Variants in GRID2 observed in about 807,000 individuals in gnomAD.
GRID2 encodes the protein glutamate receptor ionotropic, delta-2.
GRID2 carries 33 observed loss-of-function variants against 114.8 expected under a neutral mutation model. That is an observed-to-expected ratio of 0.29 (90% CI 0.22 to 0.38). GRID2 has a LOEUF of 0.38. Ranked by LOEUF, GRID2 falls within the 10% of genes least tolerant of loss-of-function variation. The probability of loss-of-function intolerance (pLI) is 1.00; values close to 1 mark genes in which losing one functional copy is unlikely to be tolerated. For synonymous variants in GRID2, 505 were observed against 449.9 expected, an observed-to-expected ratio of 1.12 and a Z score of -1.55; for missense variants, 1,184 against 1,257.7, an observed-to-expected ratio of 0.94 and a Z score of 0.89.
chr4:92,575,450 T>C (rs1727840911), intron 1 of GRID2, among the ~76,000 whole-genome samples: 1 of 152,200 alleles, frequency 6.6e-6, no homozygotes, highest in African/African-American at 2.4e-5. Flanking sequence ...ATTTGTGGAC[T>C]TATCTACCCA....
intron 2 of GRID2, among the ~76,000 whole-genome samples, chr4:92,608,098 G>T (rs1386534072): frequency 1.3e-5 from 2 of 151,724 alleles, no homozygotes; most frequent in African/African-American, 2.4e-5. Context: ...AAATCCTTGC[G>T]ACTGATAGAA....
At chr4:93,795,691 A>ATGT (rs1353365833) in intron 1 of GRID2, among the ~76,000 whole-genome samples, 1 of 152,156 alleles carries the variant, frequency 6.6e-6, no homozygotes, top group Non-Finnish European at 1.5e-5. Context: ...ACTTCTGTAA[A>ATGT]TGTTATTAAT....
intron 10 of GRID2, among the ~76,000 whole-genome samples, chr4:93,438,520 G>A (rs1721318860): frequency 6.6e-6 from 1 of 152,014 alleles, no homozygotes; most frequent in Non-Finnish European, 1.5e-5. Context: ...GTTTAAGAAA[G>A]ATAGCTGAGG....
At chr4:93,196,605 T>A (rs1741518970) in intron 4 of GRID2, among the ~76,000 whole-genome samples, 1 of 152,108 alleles carries the variant, frequency 6.6e-6, no homozygotes, top group African/African-American at 2.4e-5. Context: ...AGTAGCTTCA[T>A]CAACGATGAG....
At chr4:92,527,800 C>A (rs942383526) in intron 1 of GRID2, among the ~76,000 whole-genome samples, 9 of 151,972 alleles carry the variant, frequency 5.9e-5, no homozygotes, top group African/African-American at 1.7e-4. Flanking sequence ...ATAAAGCCAA[C>A]CTGCAACCTC....
At chr4:92,624,227 G>A (rs1472417808) in intron 2 of GRID2, among the ~76,000 whole-genome samples, 1 of 151,800 alleles carries the variant, frequency 6.6e-6, no homozygotes, top group Non-Finnish European at 1.5e-5. Flanking sequence ...GAAACTTAAG[G>A]CACACAGAGG....
intron 14 of GRID2, among the ~76,000 whole-genome samples, chr4:93,647,371 A>T (rs1294072505): frequency 6.6e-6 from 1 of 152,156 alleles, no homozygotes; most frequent in Non-Finnish European, 1.5e-5. Context: ...TGATTGCTCA[A>T]TTCAGAGGTT....
intron 14 of GRID2, among the ~76,000 whole-genome samples, chr4:93,668,000 T>C (rs1328769766): frequency 3.9e-5 from 6 of 152,028 alleles, no homozygotes; most frequent in Non-Finnish European, 7.4e-5. Context: ...CTTTACTATA[T>C]TTAAGATGTT....
At chr4:93,115,254 G>A (rs554090109) in intron 4 of GRID2, among the ~76,000 whole-genome samples, 1 of 151,788 alleles carries the variant, frequency 6.6e-6, no homozygotes, top group African/African-American at 2.4e-5. Context: ...AATTTAATTT[G>A]TATTTACTTT....
At chr4:92,428,388 TC>T (rs1732263243) in intron 1 of GRID2, among the ~76,000 whole-genome samples, 1 of 152,162 alleles carries the variant, frequency 6.6e-6, no homozygotes, top group African/African-American at 2.4e-5. Flanking sequence ...TCTTTTGTTT[TC>T]TTTTTTCTCT....
At chr4:93,316,771 T>G (rs903702808) in intron 8 of GRID2, among the ~76,000 whole-genome samples, 1 of 152,198 alleles carries the variant, frequency 6.6e-6, no homozygotes, top group Non-Finnish European at 1.5e-5. Context: ...TGGGCTGTGT[T>G]AAATACATAT....
chr4:92,456,472 T>A (rs1721221786), intron 1 of GRID2, among the ~76,000 whole-genome samples: 1 of 152,116 alleles, frequency 6.6e-6, no homozygotes, highest in South Asian at 2.1e-4. Flanking sequence ...GATTAGGAAG[T>A]CTCTTTTTCT....
intron 13 of GRID2, among the ~76,000 whole-genome samples, chr4:93,597,066 AAAT>A (rs1739183160): frequency 6.6e-6 from 1 of 152,238 alleles, no homozygotes; most frequent in African/African-American, 2.4e-5. Flanking sequence ...AATTATGCAG[AAAT>A]AATCACATTT....
At position 93,388,754 on chromosome 4, in the gene GRID2, G is replaced by T. The variant is rs146201436; in HGVS notation, c.1246-6853G>T. ...AAGCTATGAAATTAGCTTCGGCTAGGATGGTAGGAAGGAACGAGTTAAATA... is the reference window on the plus strand; with the variant it reads ...AAGCTATGAAATTAGCTTCGGCTAGTATGGTAGGAAGGAACGAGTTAAATA... On this transcript the variant is annotated intron_variant, in intron 8 of 15. Transcript: ENST00000282020. Among the ~76,000 whole-genome samples, 16 of 152,308 alleles carry T rather than the reference G, an allele frequency of 1.1e-4. 1 individual carries two copies. The East Asian group carries it at 3.1e-3, about 29-fold the overall frequency.
At chr4:93,032,353 T>G (rs1724516536) in intron 2 of GRID2, among the ~76,000 whole-genome samples, 1 of 152,180 alleles carries the variant, frequency 6.6e-6, no homozygotes, top group African/African-American at 2.4e-5. Flanking sequence ...TTGGGCAGGA[T>G]CACAAAATTG....
At chr4:93,555,776 T>C (rs1734259352) in intron 13 of GRID2, among the ~76,000 whole-genome samples, 1 of 152,146 alleles carries the variant, frequency 6.6e-6, no homozygotes, top group African/African-American at 2.4e-5. Flanking sequence ...GACTTCCTCC[T>C]CAAGTGGGTC....
chr4:93,664,750 T>C (rs1723806720), intron 14 of GRID2, among the ~76,000 whole-genome samples: 1 of 152,132 alleles, frequency 6.6e-6, no homozygotes, highest in Non-Finnish European at 1.5e-5. Flanking sequence ...TGCCGTTTAT[T>C]AGCTGTGAGA....
At chr4:92,983,025 A>G (rs1456671577) in intron 2 of GRID2, among the ~76,000 whole-genome samples, 1 of 152,092 alleles carries the variant, frequency 6.6e-6, no homozygotes, top group Non-Finnish European at 1.5e-5. Flanking sequence ...ATAGGAAGCC[A>G]AGTATCTACC....
intron 1 of GRID2, among the ~76,000 whole-genome samples, chr4:92,391,674 AGG>A (rs1730244435): frequency 6.6e-6 from 1 of 152,164 alleles, no homozygotes; most frequent in Admixed American, 6.6e-5. Context: ...TTACACGTAT[AGG>A]TAAAAATGTC....
Sources: allele counts gnomAD v4.1 joint callset (sites outside exome capture counted in the v4.1 genomes callset), GRCh38; gene constraint gnomAD v4.1.1; transcripts MANE v1.5; gene names NCBI Gene and HGNC (gene_info 2026-07-23, HGNC 2026-07-21).